KIF21B: variants seen among roughly 807,000 people sequenced by gnomAD.
KIF21B encodes kinesin-like protein KIF21B.
In KIF21B, 85 loss-of-function variants were observed where a neutral mutation model predicts 192.9. The ratio of observed to expected loss-of-function variants is 0.44; its 90% CI spans 0.37 to 0.53. The LOEUF (loss-of-function observed/expected upper bound fraction) is 0.53, where lower values mean the gene tolerates loss of function less well. Among genes scored for constraint, KIF21B ranks in the 20% least tolerant of loss-of-function variants. The pLI, the probability that KIF21B is intolerant of heterozygous loss-of-function variation, is 0.00. For synonymous variants in KIF21B, 832 were observed against 884.6 expected, an observed-to-expected ratio of 0.94 and a Z score of 1.05; for missense variants, 1,716 against 2,194.8, an observed-to-expected ratio of 0.78 and a Z score of 4.36.
rs957078348 is a variant in KIF21B, at chr1:200,998,942, G to A, written c.1886-367C>T. On this transcript the variant is annotated intron_variant, in intron 13 of 34. Coordinates refer to ENST00000461742, the MANE Select transcript of KIF21B (RefSeq NM_001252102.2). The surrounding 1 kb of genome is among the most constrained non-coding windows in gnomAD (Gnocchi z 4.3). The stretch of plus-strand genomic sequence containing the variant: ...AGGGCCAGGGCTGGCAGCAGGCAGG[G>A]CTGAAGGGGCAGGCATCTCCATTTA... Among the ~76,000 whole-genome samples the A allele has an allele frequency of 3.3e-5, 5 of 152,160 alleles. No individual in the cohort carries two copies. Among genetic ancestry groups the A allele is most frequent in the Non-Finnish European group, 5.9e-5 (4 of 68,036 alleles).
intron 1 of KIF21B, among the ~76,000 whole-genome samples, chr1:201,015,432 A>T (rs1478949583): frequency 6.6e-6 from 1 of 152,234 alleles, no homozygotes; most frequent in Admixed American, 6.5e-5. Context: ...TTTCTGCTAT[A>T]AGACCCCTGA....
chr1:200,979,539 G>A lies in KIF21B; in HGVS notation c.4156C>T (p.Leu1386Phe), dbSNP rs758234153. The change falls in exon 30 of 35, where the codon CTC becomes TTC. Residue 1386 changes from leucine (L) to phenylalanine (F), a missense_variant. By Grantham distance (22) the Leu-to-Phe change is conservative (BLOSUM62 0). Transcript: ENST00000461742. ...IRDSAKCIRT[L>F]TSSGQVISGD... ...AGGCAGGCGGGGGTTACTCACGTGA[G>A]AGTCCGAATGCACTTGGCTGAGTCC... 2 of 1,543,756 alleles carry A rather than the reference G, an allele frequency of 1.3e-6. No individual in the cohort carries two copies. The highest frequency in any genetic ancestry group is 2.8e-5 in the African/African-American group (2 of 72,110).
In KIF21B at chr1:200,988,938, G is replaced by T; in HGVS notation, c.3133-7C>A. ...TTTGTGCCACTTGCAGCCCCTGGGG[G>T]CAGGGAACAAAGCCTGGAGTTACCC... On this transcript the variant is annotated splice_polypyrimidine_tract_variant and splice_region_variant and intron_variant, in intron 21 of 34. Coordinates refer to ENST00000461742, the MANE Select transcript of KIF21B (RefSeq NM_001252102.2). 6.2e-7 allele frequency: 1 copy of T among 1,606,042 alleles called. No homozygotes were observed. Among genetic ancestry groups the T allele is most frequent in the Non-Finnish European group, 8.5e-7 (1 of 1,176,260 alleles).
At chr1:200,983,208 C>A in intron 27 of KIF21B, 114 bp from the exon 28 acceptor site, 1 of 864,680 alleles carries the variant, frequency 1.2e-6, no homozygotes, top group South Asian at 1.4e-5. Flanking sequence ...TCTCTTCCAG[C>A]GGAGCAGAGA....
Position 201,008,905 on chromosome 1 carries a change from G to A in KIF21B, c.311C>T (p.Ala104Val). ...GATGCCCTGCTCCTCCTCCGACGTT[G>A]CCATGTCAAAGCCAGTGCCCATGGT... ...TYTMGTGFDMATSEEEQGIIP... is the reference protein window; with the variant it reads ...TYTMGTGFDMVTSEEEQGIIP... The change falls in exon 3 of 35, where the codon GCA becomes GTA. Residue 104 changes from alanine to valine, a missense_variant. By Grantham distance (64) the Ala-to-Val change is moderately conservative (BLOSUM62 0). This residue lies in a region of KIF21B where 1,087 missense variants were observed against 1,316.6 expected (regional missense o/e 0.83). Transcript: ENST00000461742. 6.2e-7 allele frequency: 1 copy of A among 1,611,802 alleles called. No individual in the cohort carries two copies. Among genetic ancestry groups the A allele is most frequent in the East Asian group, 2.2e-5 (1 of 44,890 alleles).
Position 200,996,255 on chromosome 1 carries a change from G to T in KIF21B, c.2218C>A (p.Arg740Ser). 1 of 1,613,956 alleles carries T rather than the reference G, an allele frequency of 6.2e-7. No individual in the cohort carries two copies. The highest frequency in any genetic ancestry group is 8.5e-7 in the Non-Finnish European group (1 of 1,180,026). Residue 740 changes from arginine to serine, a missense_variant, in exon 15 of 35, where the codon CGC (arginine) becomes AGC (serine). By Grantham distance (110) the Arg-to-Ser change is moderately radical (BLOSUM62 -1). This residue lies in a region of KIF21B where 1,087 missense variants were observed against 1,316.6 expected (regional missense o/e 0.83). Transcript: ENST00000461742. ...AGCTTCTTCAGCTCCCTCTCGTAGC[G>T]CGACTGGTTCTTAAGCAGCCGGGCG... ...EHARLLKNQS[R>S]YERELKKLQA...
At position 200,973,365 on chromosome 1, in the gene KIF21B, C is replaced by G; in HGVS notation, c.*156G>C. 1.1e-6 allele frequency: 1 copy of G among 886,536 alleles called. No homozygotes were observed. The highest frequency in any genetic ancestry group is 1.6e-6 in the Non-Finnish European group (1 of 639,922). 54.9% of individuals were successfully genotyped at this position (886,536 alleles called of 1,614,324 possible). On this transcript the variant is annotated 3_prime_UTR_variant, in exon 35 of 35. Coordinates refer to ENST00000461742, the MANE Select transcript of KIF21B (RefSeq NM_001252102.2). Reference sequence around the variant, plus strand: ...AGGGGAGGGATGAGGGAACAGTGTCCTGTGGGAAGGCCAAGGGAGAGGGAG... The same window carrying G: ...AGGGGAGGGATGAGGGAACAGTGTCGTGTGGGAAGGCCAAGGGAGAGGGAG...
chr1:200,975,748 C>T lies in KIF21B; in HGVS notation c.4444-79G>A. The T allele has an allele frequency of 7.1e-7, 1 of 1,404,164 alleles. No individual in the cohort carries two copies. The highest frequency in any genetic ancestry group is 2.5e-5 in the East Asian group (1 of 40,798). The allele number at this position is 1,404,164 out of a possible 1,614,324, so 87.0% of individuals were successfully genotyped here. A position where few individuals can be genotyped will look rare whatever the true frequency, so the allele number is the denominator to read the frequency against. ...GCCTACAGCACTGTGGACCCAGAGG[C>T]CTGAAGACCCAGGAGTCTGGCTAGG... On this transcript the variant is annotated intron_variant, in intron 32 of 34. Transcript: ENST00000461742. The surrounding 1 kb of genome is among the most constrained non-coding windows in gnomAD (Gnocchi z 4.3).
In KIF21B at chr1:200,982,925, A is replaced by T. The variant is rs1178685487; in HGVS notation, c.3842+131T>A. 2.5e-6 allele frequency: 2 copies of T among 789,592 alleles called. No homozygotes were observed. 48.9% of individuals were successfully genotyped at this position (789,592 alleles called of 1,614,324 possible). A position where few individuals can be genotyped will look rare whatever the true frequency, so the allele number is the denominator to read the frequency against. On this transcript the variant is annotated intron_variant, in intron 28 of 34. Coordinates refer to ENST00000461742, the MANE Select transcript of KIF21B (RefSeq NM_001252102.2). This position sits in a 1 kb window ranked among gnomAD's most constrained non-coding sequence, Gnocchi z 4.7. ...GAACAGGTCTGGAGAGGGGGGCAGC[A>T]GGAAGGGGAGTGGAGGGGCCGCATG... is the stretch of plus-strand genomic sequence containing the variant.
intron 1 of KIF21B, among the ~76,000 whole-genome samples, chr1:201,015,997 T>C (rs886547998): frequency 2.0e-5 from 3 of 152,190 alleles, no homozygotes; most frequent in African/African-American, 7.2e-5. Context: ...CTAGTACTTT[T>C]TAAGAGCCTA....
At chr1:200,983,150 G>A in intron 27 of KIF21B, 56 bp from the exon 28 acceptor site, 1 of 1,448,148 alleles carries the variant, frequency 6.9e-7, no homozygotes, top group Non-Finnish European at 9.4e-7. Flanking sequence ...ACACACAGAG[G>A]GACGCAGAGG....
chr1:201,013,170 C>T (rs72749161), intron 1 of KIF21B, among the ~76,000 whole-genome samples: 5,635 of 152,306 alleles, frequency 0.037, 142 homozygotes, highest in Middle Eastern at 0.082. Context: ...TTCAAACTGA[C>T]GCCCCACAGG....
At position 201,000,494 on chromosome 1, in the gene KIF21B, C is replaced by G. The variant is rs1657411430; in HGVS notation, c.1581G>C (p.Gly527=). The G allele has an allele frequency of 1.2e-6, 2 of 1,608,876 alleles. No individual in the cohort carries two copies. Among genetic ancestry groups the G allele is most frequent in the African/African-American group, 1.3e-5 (1 of 74,794 alleles). The change falls in exon 11 of 35, where the codon GGG becomes GGC. Residue 527 remains glycine, a synonymous_variant. Transcript: ENST00000461742. This position sits in a 1 kb window ranked among gnomAD's most constrained non-coding sequence, Gnocchi z 6.0. ...CCTCCATGGAGCTGGCAGGGCTGCC[C>G]CCGAAGGCCGGGGCGGCTGGAGAAG... is the stretch of plus-strand genomic sequence containing the variant. ...LGASPAAPAF[G]GSPASSMEDA...
intron 14 of KIF21B, among the ~76,000 whole-genome samples, chr1:200,997,416 T>C (rs1001726335): frequency 3.3e-5 from 5 of 152,172 alleles, no homozygotes; most frequent in African/African-American, 1.2e-4. Context: ...CCTTCAAGTC[T>C]TTGCTCAGTG....
At chr1:200,983,166 G>T in intron 27 of KIF21B, 72 bp from the exon 28 acceptor site, 2 of 1,334,908 alleles carry the variant, frequency 1.5e-6, no homozygotes, top group Non-Finnish European at 2.1e-6. Context: ...AGAGGCGGCA[G>T]CAGTGTGTGG....
intron 27 of KIF21B, 23 bp downstream of exon 27, chr1:200,984,836 A>G (rs1656183246): frequency 6.7e-7 from 1 of 1,496,578 alleles, no homozygotes; most frequent in East Asian, 2.6e-5. Context: ...GCCCTCCCCC[A>G]CTTGCCCTCC....
At chr1:200,977,924 G>A (rs1485840719) in intron 30 of KIF21B, among the ~76,000 whole-genome samples, 3 of 151,756 alleles carry the variant, frequency 2.0e-5, no homozygotes, top group Non-Finnish European at 4.4e-5. Flanking sequence ...AGTAGAGACG[G>A]GGTTTCTTCA....
intron 3 of KIF21B, 141 bp downstream of exon 3, chr1:201,008,628 T>C: frequency 1.2e-6 from 1 of 816,402 alleles, no homozygotes; most frequent in Non-Finnish European, 1.9e-6. Context: ...GCTTGGATTC[T>C]TTCAATAGCA....
chr1:201,010,853 A>G (rs1325151694), intron 1 of KIF21B, among the ~76,000 whole-genome samples: 2 of 152,164 alleles, frequency 1.3e-5, no homozygotes, highest in African/African-American at 2.4e-5. Context: ...TATTGCCTGC[A>G]CTTCCACGGC....
Sources: gnomAD v4.1 joint callset for allele counts (sites outside exome capture counted in the v4.1 genomes callset) on GRCh38, gnomAD v4.1.1 for gene constraint, gnomAD v4.1.1 regional missense constraint, Gnocchi (gnomAD v3.1) non-coding constraint, MANE v1.5 for transcripts, NCBI Gene and HGNC (gene_info 2026-07-23, HGNC 2026-07-21) for gene names.